Variants in SPATA17 observed in about 807,000 individuals in gnomAD.
SPATA17 encodes spermatogenesis-associated protein 17.
In SPATA17, 53 loss-of-function variants were observed where a neutral mutation model predicts 62.2. The observed-to-expected ratio is 0.85, with a 90% CI of 0.68 to 1.07. The LOEUF is 1.07. Among genes scored for constraint, SPATA17 ranks in the 50% least tolerant of loss-of-function variants. The pLI is 0.00. For missense variants in SPATA17, 466 were observed against 425.5 expected, an observed-to-expected ratio of 1.10 and a Z score of -0.84; for synonymous variants, 146 against 146.8, an observed-to-expected ratio of 0.99 and a Z score of 0.04.
intron 6 of SPATA17, among the ~76,000 whole-genome samples, chr1:217,752,022 A>G (rs950706942): frequency 1.3e-5 from 2 of 152,156 alleles, no homozygotes; most frequent in African/African-American, 4.8e-5. Context: ...AGTTTCAAAT[A>G]AAAGAGGATA....
chr1:217,665,019 A>G (rs1230917012), intron 3 of SPATA17, among the ~76,000 whole-genome samples: 1 of 152,132 alleles, frequency 6.6e-6, no homozygotes, highest in East Asian at 1.9e-4. Flanking sequence ...GATCAGATTG[A>G]GGTTTAAGGG....
chr1:217,815,847 A>G (rs1674699150), intron 9 of SPATA17, among the ~76,000 whole-genome samples: 1 of 152,176 alleles, frequency 6.6e-6, no homozygotes, highest in Non-Finnish European at 1.5e-5. Flanking sequence ...AGTTTCCAAA[A>G]TTGCGTAAGC....
intron 1 of SPATA17, among the ~76,000 whole-genome samples, chr1:217,641,857 A>C (rs536056263): frequency 6.6e-6 from 1 of 152,304 alleles, no homozygotes; most frequent in East Asian, 1.9e-4. Flanking sequence ...GACTCCATTC[A>C]AGCTTTGCCA....
intron 5 of SPATA17, among the ~76,000 whole-genome samples, chr1:217,719,010 A>G (rs1672066198): frequency 6.6e-6 from 1 of 152,208 alleles, no homozygotes; most frequent in Non-Finnish European, 1.5e-5. Context: ...AGCCTGCAAT[A>G]TCATTGAAAG....
At chr1:217,685,603 A>G (rs1671198418) in intron 5 of SPATA17, among the ~76,000 whole-genome samples, 1 of 152,052 alleles carries the variant, frequency 6.6e-6, no homozygotes, top group Non-Finnish European at 1.5e-5. Context: ...TTCTTTTTTA[A>G]TATACTAACA....
chr1:217,778,321 G>A (rs1195808377), intron 7 of SPATA17, among the ~76,000 whole-genome samples: 3 of 152,144 alleles, frequency 2.0e-5, no homozygotes, highest in Admixed American at 2.0e-4. Flanking sequence ...AGGAGTTCGA[G>A]ACCAGACTGG....
chr1:217,820,827 T>C lies in SPATA17; in HGVS notation c.1005+18977T>C, dbSNP rs957364183. On this transcript the variant is annotated intron_variant, in intron 9 of 10. Transcript: ENST00000366933. ...GTCTTAGTCTATTTTTTTGTTGCTA[T>C]CTACAGGAATACCTGAAGCCGGGTA... 2.6e-5 allele frequency among the ~76,000 whole-genome samples: 4 copies of C among 152,056 alleles called. No individual in the cohort carries two copies. In the South Asian group the frequency reaches 6.2e-4, roughly 24 times the overall value.
Position 217,733,633 on chromosome 1 carries a change from A to T in SPATA17, c.396-8342A>T, listed in dbSNP as rs557009628. Among the ~76,000 whole-genome samples the T allele has an allele frequency of 3.9e-5, 6 of 152,332 alleles. No homozygotes were observed. The South Asian group carries it at 1.2e-3, about 32-fold the overall frequency. ...CTTTATTTCTCTAAATATCTTAAAC[A>T]TATTTGTGAATACCTGCTTGAATAA... On this transcript the variant is annotated intron_variant, in intron 5 of 10. Transcript: ENST00000366933.
chr1:217,707,189 A>G (rs1671756879), intron 5 of SPATA17, among the ~76,000 whole-genome samples: 1 of 152,090 alleles, frequency 6.6e-6, no homozygotes, highest in Non-Finnish European at 1.5e-5. Context: ...TTTTGTGGCT[A>G]TTGTTAATGG....
At chr1:217,783,650 A>G (rs774152123) in intron 8 of SPATA17, among the ~76,000 whole-genome samples, 52 of 152,104 alleles carry the variant, frequency 3.4e-4, no homozygotes, top group Non-Finnish European at 1.0e-4. Flanking sequence ...TCCTATTTCC[A>G]ATGATGCAAA....
chr1:217,862,125 G>A (rs1675908891), intron 9 of SPATA17, among the ~76,000 whole-genome samples: 1 of 150,444 alleles, frequency 6.6e-6, no homozygotes, highest in Admixed American at 6.6e-5. Flanking sequence ...TCCTTTCCAA[G>A]AAGAAACATA....
At chr1:217,705,059 A>G (rs1395867762) in intron 5 of SPATA17, among the ~76,000 whole-genome samples, 1 of 152,144 alleles carries the variant, frequency 6.6e-6, no homozygotes, top group African/African-American at 2.4e-5. Context: ...GACCTTGCCA[A>G]CATCTGTTAT....
At chr1:217,648,860 C>CT (rs748290884) in intron 1 of SPATA17, 22 bp from the exon 2 acceptor site, 1 of 1,525,670 alleles carries the variant, frequency 6.6e-7, no homozygotes, top group Admixed American at 1.9e-5. Context: ...TAATGAAGTG[C>CT]TTTTTAAACA....
intron 5 of SPATA17, among the ~76,000 whole-genome samples, chr1:217,706,220 GT>G (rs1405594271): frequency 6.6e-6 from 1 of 152,066 alleles, no homozygotes; most frequent in Non-Finnish European, 1.5e-5. Context: ...AATTGTAGTA[GT>G]TTTTTTCTAA....
intron 5 of SPATA17, among the ~76,000 whole-genome samples, chr1:217,683,950 A>G (rs1456641982): frequency 6.6e-6 from 1 of 152,162 alleles, no homozygotes; most frequent in South Asian, 2.1e-4. Context: ...AAATTGTTTC[A>G]TGATGAGATG....
intron 9 of SPATA17, among the ~76,000 whole-genome samples, chr1:217,839,678 G>T (rs934500785): frequency 6.6e-6 from 1 of 151,396 alleles, no homozygotes; most frequent in African/African-American, 2.4e-5. Flanking sequence ...TCTTGCTAAA[G>T]GTAGCAATAA....
At chr1:217,690,456 A>G (rs1005679153) in intron 5 of SPATA17, among the ~76,000 whole-genome samples, 3 of 124,130 alleles carry the variant, frequency 2.4e-5, no homozygotes, top group Non-Finnish European at 5.0e-5. Flanking sequence ...TTTTATTTTT[A>G]TTTTATTTTA....
intron 5 of SPATA17, among the ~76,000 whole-genome samples, chr1:217,728,177 T>G (rs1308720968): frequency 2.6e-5 from 4 of 152,122 alleles, no homozygotes; most frequent in Non-Finnish European, 1.5e-5. Flanking sequence ...ATGGAAGAAA[T>G]AATACTATGA....
At chr1:217,668,931 T>C in intron 3 of SPATA17, 102 bp from the exon 4 acceptor site, 1 of 983,926 alleles carries the variant, frequency 1.0e-6, no homozygotes, top group Non-Finnish European at 1.6e-6. Flanking sequence ...AGAACTCTTA[T>C]TATGTATTAT....
Sources: gnomAD v4.1 joint callset for allele counts (sites outside exome capture counted in the v4.1 genomes callset) on GRCh38, gnomAD v4.1.1 for gene constraint, MANE v1.5 for transcripts, NCBI Gene and HGNC (gene_info 2026-07-23, HGNC 2026-07-21) for gene names.